ST6GALNAC3: variants seen among roughly 807,000 people sequenced by gnomAD.
ST6GALNAC3 encodes alpha-N-acetylgalactosaminide alpha-2,6-sialyltransferase 3.
Under a neutral mutation model 32.7 loss-of-function variants are expected in ST6GALNAC3, and 25 were observed. The ratio of observed to expected loss-of-function variants is 0.76; its 90% CI spans 0.56 to 1.07. The LOEUF is 1.07. Ranked by LOEUF, ST6GALNAC3 falls within the 50% of genes least tolerant of loss-of-function variation. ST6GALNAC3 has a pLI of 0.00. For synonymous variants in ST6GALNAC3, 129 were observed against 133.1 expected, an observed-to-expected ratio of 0.97 and a Z score of 0.21; for missense variants, 355 against 382.4, an observed-to-expected ratio of 0.93 and a Z score of 0.60.
chr1:76,403,656 T>A (rs1653599935), intron 2 of ST6GALNAC3, among the ~76,000 whole-genome samples: 1 of 152,096 alleles, frequency 6.6e-6, no homozygotes, highest in South Asian at 2.1e-4. Context: ...GTATAGCCAG[T>A]TGAAAACTAT....
intron 2 of ST6GALNAC3, among the ~76,000 whole-genome samples, chr1:76,368,674 T>C (rs1486377316): frequency 6.6e-6 from 1 of 152,224 alleles, no homozygotes; most frequent in Non-Finnish European, 1.5e-5. Context: ...GCTTAACAAA[T>C]GAAATTACTT....
In ST6GALNAC3 at chr1:76,508,697, C is replaced by T. The variant is rs1173333414; in HGVS notation, c.623+96280C>T. ...CACCAGCCAGGGGCTTAGCTGGACC[C>T]CAGGTTTCTAGGTGATCATCAGGTA... On this transcript the variant is annotated intron_variant, in intron 3 of 4. Coordinates refer to ENST00000328299, the MANE Select transcript of ST6GALNAC3 (RefSeq NM_152996.4). 4.6e-5 allele frequency among the ~76,000 whole-genome samples: 7 copies of T among 152,236 alleles called. No individual in the cohort carries two copies. The South Asian group carries it at 1.5e-3, about 32-fold the overall frequency.
chr1:76,321,916 T>G (rs926043358), intron 2 of ST6GALNAC3, among the ~76,000 whole-genome samples: 1 of 151,978 alleles, frequency 6.6e-6, no homozygotes, highest in Non-Finnish European at 1.5e-5. Context: ...CAAACTAGAT[T>G]GATTTTCACT....
chr1:76,115,941 G>A (rs1648439001), intron 1 of ST6GALNAC3, among the ~76,000 whole-genome samples: 1 of 152,130 alleles, frequency 6.6e-6, no homozygotes, highest in Non-Finnish European at 1.5e-5. Flanking sequence ...ACTGTTGCAG[G>A]GCACTGTACT....
chr1:76,413,095 C>T (rs987554452), intron 3 of ST6GALNAC3: 6 of 221,516 alleles, frequency 2.7e-5, no homozygotes, highest in South Asian at 5.4e-5. Context: ...AACTACACTT[C>T]GCACTTTTTT....
intron 3 of ST6GALNAC3, among the ~76,000 whole-genome samples, chr1:76,588,499 G>A (rs1021040430): frequency 6.6e-6 from 1 of 152,192 alleles, no homozygotes; most frequent in African/African-American, 2.4e-5. Flanking sequence ...CTTGATATTT[G>A]CCATGGACAG....
intron 3 of ST6GALNAC3, among the ~76,000 whole-genome samples, chr1:76,441,652 A>G (rs566731337): frequency 1.3e-5 from 2 of 152,248 alleles, no homozygotes; most frequent in African/African-American, 4.8e-5. Context: ...AGTTATTTTA[A>G]TATGTATAAT....
chr1:76,413,881 T>A (rs1003515612), intron 3 of ST6GALNAC3, among the ~76,000 whole-genome samples: 1 of 152,160 alleles, frequency 6.6e-6, no homozygotes, highest in Non-Finnish European at 1.5e-5. Context: ...TGATCTCTCC[T>A]TAGCCCAGAG....
intron 2 of ST6GALNAC3, among the ~76,000 whole-genome samples, chr1:76,316,266 A>T (rs1339622129): frequency 6.6e-6 from 1 of 150,560 alleles, no homozygotes; most frequent in East Asian, 2.0e-4. Context: ...TGTATGCCCA[A>T]CCATTTCTAG....
intron 3 of ST6GALNAC3, among the ~76,000 whole-genome samples, chr1:76,590,372 C>T (rs548822007): frequency 1.2e-4 from 18 of 152,284 alleles, no homozygotes; most frequent in Admixed American, 1.1e-3. Context: ...TCAGATGTTT[C>T]AGTAAATTGC....
At chr1:76,242,432 T>G (rs1446557437) in intron 1 of ST6GALNAC3, among the ~76,000 whole-genome samples, 2 of 152,034 alleles carry the variant, frequency 1.3e-5, no homozygotes, top group Admixed American at 1.3e-4. Context: ...AGATACCTTC[T>G]TTTCCTTTTT....
chr1:76,534,472 T>G (rs1449190808), intron 3 of ST6GALNAC3, among the ~76,000 whole-genome samples: 1 of 152,190 alleles, frequency 6.6e-6, no homozygotes, highest in African/African-American at 2.4e-5. Flanking sequence ...TCCCCTTCTC[T>G]AAAATCCCCT....
chr1:76,382,246 GAAATATAACC>G (rs1419103809), intron 2 of ST6GALNAC3, among the ~76,000 whole-genome samples: 2 of 152,028 alleles, frequency 1.3e-5, no homozygotes, highest in African/African-American at 4.8e-5. Flanking sequence ...GGCATGTCAG[GAAATATAACC>G]AAATAAATGA....
At chr1:76,129,491 C>A (rs1347607357) in intron 1 of ST6GALNAC3, among the ~76,000 whole-genome samples, 1 of 152,084 alleles carries the variant, frequency 6.6e-6, no homozygotes, top group African/African-American at 2.4e-5. Context: ...TCCAAATGGC[C>A]CCAGTGAGGT....
chr1:76,553,398 G>T (rs1402537296), intron 3 of ST6GALNAC3, among the ~76,000 whole-genome samples: 1 of 152,122 alleles, frequency 6.6e-6, no homozygotes, highest in Non-Finnish European at 1.5e-5. Flanking sequence ...TTTGAAAATC[G>T]ATCAGCCAAG....
In ST6GALNAC3 at chr1:76,333,307, C is replaced by T. The variant is rs181523408; in HGVS notation, c.213+19308C>T. 4.6e-5 allele frequency among the ~76,000 whole-genome samples: 7 copies of T among 152,106 alleles called. No homozygotes were observed. In the East Asian group the frequency reaches 1.4e-3, roughly 29 times the overall value. ...GAAAGTTCAAAGGAAGATTTAAGCT[C>T]AGTATAAGTAATAACTTTCTGGGCA... is the stretch of plus-strand genomic sequence containing the variant. On this transcript the variant is annotated intron_variant, in intron 2 of 4. Transcript: ENST00000328299.
At chr1:76,080,870 G>A (rs566067033) in intron 1 of ST6GALNAC3, among the ~76,000 whole-genome samples, 1 of 152,318 alleles carries the variant, frequency 6.6e-6, no homozygotes, top group South Asian at 2.1e-4. Context: ...CCCAGGAAAT[G>A]CTGAATTCTC....
intron 3 of ST6GALNAC3, among the ~76,000 whole-genome samples, chr1:76,477,560 G>A (rs571525473): frequency 2.6e-5 from 4 of 152,276 alleles, no homozygotes; most frequent in African/African-American, 9.6e-5. Context: ...CATGAGGGAT[G>A]GCTGGCTCAG....
intron 3 of ST6GALNAC3, among the ~76,000 whole-genome samples, chr1:76,549,242 A>T (rs1328576684): frequency 1.3e-5 from 2 of 152,172 alleles, no homozygotes; most frequent in Non-Finnish European, 2.9e-5. Flanking sequence ...TTTAAGAAAC[A>T]AAACATCTCA....
Sources: gnomAD v4.1 joint callset for allele counts (sites outside exome capture counted in the v4.1 genomes callset) on GRCh38, gnomAD v4.1.1 for gene constraint, MANE v1.5 for transcripts, NCBI Gene and HGNC (gene_info 2026-07-23, HGNC 2026-07-21) for gene names.